Variants in MIA2 observed in about 807,000 individuals in gnomAD.
MIA2 encodes melanoma inhibitory activity protein 2.
In MIA2, 127 loss-of-function variants were observed where a neutral mutation model predicts 167.8. The observed-to-expected ratio is 0.76, with a 90% CI of 0.66 to 0.88. MIA2 has a LOEUF of 0.88. Ranked by LOEUF, MIA2 falls within the 40% of genes least tolerant of loss-of-function variation. The probability of loss-of-function intolerance (pLI) is 0.00; values close to 1 mark genes in which losing one functional copy is unlikely to be tolerated. For missense variants in MIA2, 1,690 were observed against 1,624.7 expected, an observed-to-expected ratio of 1.04 and a Z score of -0.69; for synonymous variants, 552 against 541.9, an observed-to-expected ratio of 1.02 and a Z score of -0.26.
At chr14:39,349,287 T>C (rs2074040250) in intron 28 of MIA2, among the ~76,000 whole-genome samples, 1 of 152,226 alleles carries the variant, frequency 6.6e-6, no homozygotes, top group Non-Finnish European at 1.5e-5. Flanking sequence ...TGGTAGCAAC[T>C]GGTTATTCTG....
chr14:39,299,282 T>A (rs2062006333), intron 13 of MIA2, among the ~76,000 whole-genome samples: 1 of 149,546 alleles, frequency 6.7e-6, no homozygotes, highest in Non-Finnish European at 1.5e-5. Context: ...GAGAATCTGA[T>A]CTGTTCTAGA....
chr14:39,310,821 T>C (rs1374456922), intron 18 of MIA2, among the ~76,000 whole-genome samples: 3 of 143,224 alleles, frequency 2.1e-5, no homozygotes, highest in African/African-American at 9.1e-5. Flanking sequence ...TTATTTGTTA[T>C]GGCCCTTTGG....
intron 13 of MIA2, among the ~76,000 whole-genome samples, chr14:39,299,568 G>A (rs2062069138): frequency 6.6e-6 from 1 of 151,862 alleles, no homozygotes; most frequent in South Asian, 2.1e-4. Context: ...ATTGCACAAT[G>A]ATTTAAAAAA....
chr14:39,354,778 T>C (rs1004659072), downstream of MIA2, among the ~76,000 whole-genome samples: 2 of 152,338 alleles, frequency 1.3e-5, no homozygotes, highest in African/African-American at 4.8e-5. Context: ...TTTCTACATA[T>C]GGCTAGCCAG....
intron 23 of MIA2, among the ~76,000 whole-genome samples, chr14:39,375,555 G>T (rs1044585821): frequency 6.6e-6 from 1 of 152,170 alleles, no homozygotes; most frequent in Non-Finnish European, 1.5e-5. Flanking sequence ...AAATTAGTCA[G>T]ACATCGTGGC....
At chr14:39,310,769 A>G (rs902847324) in intron 18 of MIA2, among the ~76,000 whole-genome samples, 1 of 152,208 alleles carries the variant, frequency 6.6e-6, no homozygotes, top group African/African-American at 2.4e-5. Flanking sequence ...CAAGTTCTGT[A>G]CTTCAGTCAT....
intron 23 of MIA2, among the ~76,000 whole-genome samples, chr14:39,374,921 T>G (rs2075017991): frequency 6.6e-6 from 1 of 152,354 alleles, no homozygotes; most frequent in Admixed American, 6.5e-5. Context: ...AGCAACTCTT[T>G]TAAATTGGGT....
intron 25 of MIA2, among the ~76,000 whole-genome samples, chr14:39,329,849 T>C (rs866564841): frequency 2.0e-5 from 3 of 152,332 alleles, no homozygotes; most frequent in East Asian, 1.9e-4. Context: ...AGCTTTTTAA[T>C]GTGCTGCTTG....
chr14:39,288,452 TATA>T lies in MIA2; in HGVS notation c.2131-2566_2131-2564del, dbSNP rs2060153519. Among the ~76,000 whole-genome samples the T allele has an allele frequency of 7.3e-3, 111 of 15,128 alleles. 7 individuals carry two copies. Among genetic ancestry groups the T allele is most frequent in the Non-Finnish European group, 9.2e-3 (60 of 6,492 alleles). The allele number at this position is 15,128 out of a possible 152,430, so 9.9% of individuals were successfully genotyped here. A position where few individuals can be genotyped will look rare whatever the true frequency, so the allele number is the denominator to read the frequency against. ...TTATACATATATATATATATATATA[TATA>T]TATATATATATATATATATATTTTT... On this transcript the variant is annotated intron_variant, in intron 9 of 28. Coordinates refer to ENST00000640607, the MANE Select transcript of MIA2 (RefSeq NM_001329214.4).
rs371205837 is a variant in MIA2, at chr14:39,348,957, C to T, written c.4052C>T (p.Pro1351Leu). ...DYFPPGDFPG[P>L]PPAPFAMRNV... is the part of the protein sequence containing the mutation. Reference sequence around the variant, plus strand: ...TTTCCACCAGGGGATTTCCCAGGTCCACCACCTGCTCCATTTGCAAGTATG... The same window carrying T: ...TTTCCACCAGGGGATTTCCCAGGTCTACCACCTGCTCCATTTGCAAGTATG... The change falls in exon 28 of 29, where the codon CCA becomes CTA. Residue 1351 changes from proline (P) to leucine (L), a missense_variant. Physicochemically the swap from Pro to Leu is moderately conservative, Grantham distance 98. Transcript: ENST00000640607. 7.6e-5 allele frequency: 122 copies of T among 1,613,432 alleles called. No homozygotes were observed. The highest frequency in any genetic ancestry group is 9.8e-5 in the Non-Finnish European group (115 of 1,179,486).
chr14:39,294,213 T>G, intron 12 of MIA2, 142 bp downstream of exon 12: 2 of 559,020 alleles, frequency 3.6e-6, no homozygotes, highest in Non-Finnish European at 6.2e-6. Context: ...TAACAATACC[T>G]AAATGAATTA....
chr14:39,298,443 A>ATATATATATATTAT (rs1372100362), intron 13 of MIA2, among the ~76,000 whole-genome samples: 1 of 50,056 alleles, frequency 2.0e-5, no homozygotes, highest in African/African-American at 9.4e-5. Context: ...ATATATATAT[A>ATATATATATATTAT]AAGATTAGTT....
At chr14:39,385,398 TCAGG>T (rs2075255882) in intron 23 of MIA2, 1 of 1,283,674 alleles carries the variant, frequency 7.8e-7, no homozygotes, top group Non-Finnish European at 1.1e-6. Flanking sequence ...GAGGTCATAC[TCAGG>T]CAGGTTCTGT....
At chr14:39,292,000 G>A (rs147727356) in intron 10 of MIA2, among the ~76,000 whole-genome samples, 16 of 152,282 alleles carry the variant, frequency 1.1e-4, no homozygotes, top group African/African-American at 3.4e-4. Flanking sequence ...ACTGCTCTCC[G>A]TAATCATCAG....
intron 18 of MIA2, among the ~76,000 whole-genome samples, chr14:39,308,913 C>A (rs1349087778): frequency 6.6e-6 from 1 of 152,176 alleles, no homozygotes; most frequent in Non-Finnish European, 1.5e-5. Context: ...TTAATTCCAT[C>A]TCTGATATAT....
chr14:39,317,360 A>C (rs768037411), intron 21 of MIA2, among the ~76,000 whole-genome samples: 5 of 152,168 alleles, frequency 3.3e-5, no homozygotes, highest in Non-Finnish European at 7.4e-5. Flanking sequence ...GGAGAGGCTC[A>C]TATTAGTTTC....
chr14:39,288,997 A>G (rs946707819), intron 9 of MIA2, among the ~76,000 whole-genome samples: 10 of 152,158 alleles, frequency 6.6e-5, no homozygotes, highest in African/African-American at 2.4e-4. Context: ...AAAATGTGTT[A>G]GGAAATATTC....
At chr14:39,331,497 T>C (rs2068862897) in intron 25 of MIA2, among the ~76,000 whole-genome samples, 1 of 152,210 alleles carries the variant, frequency 6.6e-6, no homozygotes, top group Admixed American at 6.5e-5. Context: ...ATCCTGTTAT[T>C]ATGATGCTAG....
At chr14:39,253,655 A>AC (rs397728466) in intron 6 of MIA2, 1 of 151,056 alleles carries the variant, frequency 6.6e-6, no homozygotes, top group African/African-American at 2.5e-5. Flanking sequence ...AAAAAAAAAA[A>AC]CCTAAACTAA....
Sources: gnomAD v4.1 joint callset for allele counts (sites outside exome capture counted in the v4.1 genomes callset) on GRCh38, gnomAD v4.1.1 for gene constraint, MANE v1.5 for transcripts, NCBI Gene and HGNC (gene_info 2026-07-23, HGNC 2026-07-21) for gene names.